The following CDH12 variants were observed in gnomAD, a reference collection of about 807,000 sequenced individuals.
CDH12 encodes cadherin-12.
A neutral mutation model predicts 74.1 loss-of-function variants in CDH12; 41 were observed. The observed-to-expected ratio is 0.55, with a 90% confidence interval of 0.43 to 0.72. The LOEUF is 0.72. CDH12 is among the 30% of genes least tolerant of loss of function. The pLI is 0.00. For synonymous variants in CDH12, 399 were observed against 355.0 expected (o/e 1.12, Z -1.39); for missense variants, 945 against 977.2 (o/e 0.97, Z 0.44).
intron 4 of CDH12, among the ~76,000 whole-genome samples, chr5:22,122,794 C>T (rs1745603786): frequency 6.6e-6 from 1 of 152,230 alleles, no homozygotes; most frequent in Non-Finnish European, 1.5e-5. Flanking sequence ...AAGACTCTCT[C>T]TGCCTATCTT....
At chr5:21,793,398 GAATTA>G (rs1402850907) in intron 10 of CDH12, among the ~76,000 whole-genome samples, 1 of 151,340 alleles carries the variant, frequency 6.6e-6, no homozygotes, top group Non-Finnish European at 1.5e-5. Flanking sequence ...TGTGTAAATT[GAATTA>G]TTTTATCTGA....
intron 10 of CDH12, among the ~76,000 whole-genome samples, chr5:21,799,699 C>T (rs1395855595): frequency 2.0e-5 from 3 of 152,142 alleles, no homozygotes. Flanking sequence ...TTCTCCAAAT[C>T]GAGGGAAGAA....
chr5:21,882,654 C>G lies in CDH12; in HGVS notation c.527-27864G>C, dbSNP rs1752417906. 1.9e-6 allele frequency: 3 copies of G among 1,606,222 alleles called. No homozygotes were observed. In the Admixed American group the frequency reaches 5.0e-5, roughly 27 times the overall value. On this transcript the variant is annotated intron_variant, in intron 6 of 14. Coordinates refer to ENST00000382254, the MANE Select transcript of CDH12 (RefSeq NM_004061.5). ...TCCAGGGTACTGGCTCCTCATCTCA[C>G]TCGAGCTTATGCCAAAGATGTAAAA... is the stretch of plus-strand genomic sequence containing the variant.
At chr5:22,464,386 TC>T (rs1252756380) in intron 2 of CDH12, among the ~76,000 whole-genome samples, 1 of 152,220 alleles carries the variant, frequency 6.6e-6, no homozygotes, top group Non-Finnish European at 1.5e-5. Context: ...TCATGTCCTT[TC>T]TTTTGTTCTT....
chr5:22,799,624 T>G (rs909412051), intron 1 of CDH12, among the ~76,000 whole-genome samples: 1 of 152,210 alleles, frequency 6.6e-6, no homozygotes, highest in Non-Finnish European at 1.5e-5. Flanking sequence ...TTAATTGACT[T>G]ATTGCAGTTT....
At chr5:22,104,291 A>G (rs1561114937) in intron 4 of CDH12, among the ~76,000 whole-genome samples, 1 of 152,218 alleles carries the variant, frequency 6.6e-6, no homozygotes, top group Admixed American at 6.5e-5. Flanking sequence ...AGGCATTTGA[A>G]TTAGATTATA....
At chr5:22,832,970 T>A (rs1268011213) in intron 1 of CDH12, among the ~76,000 whole-genome samples, 1 of 152,170 alleles carries the variant, frequency 6.6e-6, no homozygotes, top group East Asian at 1.9e-4. Flanking sequence ...TCAGCAAAAA[T>A]TTCATTTTCA....
intron 6 of CDH12, among the ~76,000 whole-genome samples, chr5:21,969,678 T>G (rs753528829): frequency 5.9e-4 from 90 of 152,310 alleles, no homozygotes; most frequent in Non-Finnish European, 1.0e-3. Context: ...AGGTACTCAA[T>G]AGAGCCATTC....
chr5:21,786,497 GA>G (rs1020502111), intron 10 of CDH12, among the ~76,000 whole-genome samples: 210 of 144,942 alleles, frequency 1.4e-3, no homozygotes, highest in African/African-American at 3.2e-3. Flanking sequence ...CACAGCTCAG[GA>G]AAAAAAAAAA....
chr5:21,972,944 G>A (rs1756913812), intron 6 of CDH12, among the ~76,000 whole-genome samples: 1 of 151,254 alleles, frequency 6.6e-6, no homozygotes. Context: ...GCTCATGACT[G>A]TAATCCCAGT....
chr5:22,264,856 C>A (rs1753651199), intron 3 of CDH12, among the ~76,000 whole-genome samples: 1 of 152,044 alleles, frequency 6.6e-6, no homozygotes, highest in African/African-American at 2.4e-5. Context: ...CTGGCACAGG[C>A]CTGCTGGGAA....
chr5:21,903,549 G>C (rs1301343003), intron 6 of CDH12, among the ~76,000 whole-genome samples: 1 of 152,044 alleles, frequency 6.6e-6, no homozygotes, highest in Non-Finnish European at 1.5e-5. Flanking sequence ...ACCAGCCTTA[G>C]CTGTCAGACA....
At chr5:22,160,178 T>C (rs71221740) in intron 4 of CDH12, among the ~76,000 whole-genome samples, 4 of 152,218 alleles carry the variant, frequency 2.6e-5, no homozygotes, top group African/African-American at 7.2e-5. Context: ...ACAGTTGAGA[T>C]TGAAAATAGA....
chr5:22,438,385 T>C (rs1006201188), intron 2 of CDH12, among the ~76,000 whole-genome samples: 4 of 152,028 alleles, frequency 2.6e-5, no homozygotes, highest in African/African-American at 4.8e-5. Context: ...ACCAAGGAAG[T>C]GTTATTGCGT....
intron 4 of CDH12, among the ~76,000 whole-genome samples, chr5:22,202,342 T>G (rs995751132): frequency 6.6e-6 from 1 of 152,050 alleles, no homozygotes; most frequent in African/African-American, 2.4e-5. Flanking sequence ...CACAGTAAAT[T>G]TGAGATGAAC....
At chr5:22,495,878 A>G (rs901351204) in intron 2 of CDH12, among the ~76,000 whole-genome samples, 4 of 152,118 alleles carry the variant, frequency 2.6e-5, no homozygotes, top group Non-Finnish European at 5.9e-5. Flanking sequence ...GAAGAGGGGG[A>G]ACATTCTATT....
chr5:22,364,847 C>T (rs993509970), intron 3 of CDH12, among the ~76,000 whole-genome samples: 1 of 152,114 alleles, frequency 6.6e-6, no homozygotes, highest in East Asian at 1.9e-4. Flanking sequence ...GGGCTAAAGG[C>T]ATGCTGAAAG....
chr5:22,119,175 C>G (rs1411812692), intron 4 of CDH12, among the ~76,000 whole-genome samples: 1 of 151,918 alleles, frequency 6.6e-6, no homozygotes, highest in African/African-American at 2.4e-5. Flanking sequence ...AGTTTAAGTC[C>G]TCTCTCTTCT....
chr5:21,980,351 C>G (rs1265043315), intron 5 of CDH12, among the ~76,000 whole-genome samples: 1 of 151,830 alleles, frequency 6.6e-6, no homozygotes, highest in East Asian at 1.9e-4. Flanking sequence ...CCACATATGG[C>G]TCTTATGGAG....
Sources: gnomAD v4.1 joint callset for allele counts (sites outside exome capture counted in the v4.1 genomes callset) on GRCh38, gnomAD v4.1.1 for gene constraint, MANE v1.5 for transcripts, NCBI Gene and HGNC (gene_info 2026-07-23, HGNC 2026-07-21) for gene names.